Variants in CDC42 observed in about 807,000 individuals in gnomAD.
CDC42 encodes the protein cell division cycle 42.
CDC42 carries 1 observed loss-of-function variant against 20.8 expected under a neutral mutation model. The observed-to-expected ratio is 0.05, with a 90% CI of 0.02 to 0.23. The LOEUF is 0.23. CDC42 is among the 10% of genes least tolerant of loss of function. The pLI is 1.00. For missense variants in CDC42, 49 were observed against 227.9 expected, an observed-to-expected ratio of 0.21 and a Z score of 5.05; for synonymous variants, 72 against 84.8, an observed-to-expected ratio of 0.85 and a Z score of 0.83.
intron 1 of CDC42, among the ~76,000 whole-genome samples, chr1:22,074,510 C>T (rs1049401330): frequency 3.9e-5 from 6 of 152,080 alleles, no homozygotes; most frequent in Admixed American, 3.9e-4. Context: ...TATTGTAAAA[C>T]CCAAAGTCTC....
chr1:22,078,310 T>G (rs948017366), intron 1 of CDC42, 119 bp from the exon 2 acceptor site: 1 of 517,358 alleles, frequency 1.9e-6, no homozygotes, highest in Non-Finnish European at 3.4e-6. Flanking sequence ...TTGGGTTCTT[T>G]TAGCCATAAT....
intron 1 of CDC42, among the ~76,000 whole-genome samples, chr1:22,071,278 T>G (rs1364955855): frequency 6.6e-6 from 1 of 152,030 alleles, no homozygotes; most frequent in African/African-American, 2.4e-5. Context: ...TCTCCTGACC[T>G]CGTGATCCAT....
rs944125846 is a variant in CDC42, at chr1:22,095,685, G to A, written c.*4168G>A. Among the ~76,000 whole-genome samples, 25 of 152,254 alleles carry A rather than the reference G, an allele frequency of 1.6e-4. No individual in the cohort carries two copies. In the South Asian group the frequency reaches 4.4e-3, roughly 27 times the overall value. On this transcript the variant is annotated 3_prime_UTR_variant, in exon 6 of 6. Coordinates refer to ENST00000656825, the MANE Select transcript of CDC42 (RefSeq NM_001791.4). ...ATGTTGCATTTGAACCATGCCAACG[G>A]TAGCTTATTAAAACAGCATTTATTT... is the stretch of plus-strand genomic sequence containing the variant.
At chr1:22,090,129 C>T in intron 5 of CDC42, 1 of 1,466,392 alleles carries the variant, frequency 6.8e-7, no homozygotes, top group Non-Finnish European at 9.1e-7. Flanking sequence ...TGTTTGAAAG[C>T]CTCTGCGTCT....
At chr1:22,082,434 T>A (rs1557904208) in intron 3 of CDC42, among the ~76,000 whole-genome samples, 1 of 152,248 alleles carries the variant, frequency 6.6e-6, no homozygotes, top group East Asian at 1.9e-4. Context: ...CAAATTACTT[T>A]CTTCCTTAAA....
At chr1:22,062,523 CTG>C (rs1645377547) in intron 1 of CDC42, among the ~76,000 whole-genome samples, 1 of 152,026 alleles carries the variant, frequency 6.6e-6, no homozygotes, top group African/African-American at 2.4e-5. Flanking sequence ...CCAAATTACT[CTG>C]TGCTGATTCT....
At chr1:22,074,715 T>TTAA (rs1345924218) in intron 1 of CDC42, among the ~76,000 whole-genome samples, 2 of 152,184 alleles carry the variant, frequency 1.3e-5, no homozygotes, top group Admixed American at 1.3e-4. Flanking sequence ...ACTGTGCTCT[T>TTAA]TAATACATGT....
intron 1 of CDC42, among the ~76,000 whole-genome samples, chr1:22,075,549 TC>T (rs1645539350): frequency 6.6e-6 from 1 of 152,208 alleles, no homozygotes; most frequent in Non-Finnish European, 1.5e-5. Context: ...TGTTATGAGT[TC>T]CTTTCTAAGA....
rs948754244 is a variant in CDC42 at position 22,100,316 on chromosome 1, TACAACTCTGTAA to T, written c.*8801_*8812del. 1.3e-5 allele frequency among the ~76,000 whole-genome samples: 2 copies of T among 152,206 alleles called. No individual in the cohort carries two copies. The highest frequency in any genetic ancestry group is 4.8e-5 in the African/African-American group (2 of 41,444). On this transcript the variant is annotated 3_prime_UTR_variant, in exon 6 of 6. Transcript: ENST00000656825. ...TATTAGTGATTTCACTTGACCTCAG[TACAACTCTGTAA>T]AAGAGGCAGGGATGGATGATGTCAT...
chr1:22,067,319 T>G (rs1259520309), intron 1 of CDC42, among the ~76,000 whole-genome samples: 1 of 151,932 alleles, frequency 6.6e-6, no homozygotes, highest in Non-Finnish European at 1.5e-5. Context: ...AGATGCTGGT[T>G]TTTTCTTTTC....
Position 22,099,600 on chromosome 1 carries a change from TAA to T in CDC42, c.*8086_*8087del, listed in dbSNP as rs1645777075. Among the ~76,000 whole-genome samples the T allele has an allele frequency of 1.3e-5, 2 of 152,212 alleles. No individual in the cohort carries two copies. Among genetic ancestry groups the T allele is most frequent in the African/African-American group, 4.8e-5 (2 of 41,458 alleles). ...AGTGCACAGGGCAAGCAAAGCAGCA[TAA>T]AAGGCTTCATCTGTAAGGGTAGGTT... On this transcript the variant is annotated 3_prime_UTR_variant, in exon 6 of 6. Coordinates refer to ENST00000656825, the MANE Select transcript of CDC42 (RefSeq NM_001791.4).
Position 22,086,746 on chromosome 1 carries a change from C to A in CDC42, c.366C>A (p.Asp122Glu), listed in dbSNP as rs766033563. The change falls in exon 5 of 6, where the codon GAC becomes GAA. Residue 122 changes from aspartate to glutamate, a missense_variant. Physicochemically the swap from Asp to Glu is conservative, Grantham distance 45. Transcript: ENST00000656825. ...LVGTQIDLRD[D>E]PSTIEKLAKN... ...GGACTCAAATTGATCTCAGAGATGA[C>A]CCCTCTACTATTGAGAAACTTGCCA... 6.2e-7 allele frequency: 1 copy of A among 1,613,934 alleles called. No homozygotes were observed. The highest frequency in any genetic ancestry group is 2.2e-5 in the East Asian group (1 of 44,884).
chr1:22,083,340 C>T (rs1406441022), intron 3 of CDC42, among the ~76,000 whole-genome samples: 6 of 151,866 alleles, frequency 4.0e-5, no homozygotes, highest in African/African-American at 7.3e-5. Context: ...CGGTGGCTCA[C>T]GCCTGTAATT....
intron 2 of CDC42, chr1:22,078,790 C>G: frequency 6.9e-7 from 1 of 1,453,750 alleles, no homozygotes. Context: ...ACAGGGTTTG[C>G]AAGAAGTGCT....
In CDC42 at chr1:22,096,014, C is replaced by T. The variant is rs906699040; in HGVS notation, c.*4497C>T. The stretch of plus-strand genomic sequence containing the variant: ...TTGCACTGTTGCCCGGGCTGGAGTG[C>T]AGTGGTGGCATCTCCGCTCACTGCA... On this transcript the variant is annotated 3_prime_UTR_variant, in exon 6 of 6. Coordinates refer to ENST00000656825, the MANE Select transcript of CDC42 (RefSeq NM_001791.4). Among the ~76,000 whole-genome samples, 9 of 152,014 alleles carry T rather than the reference C, an allele frequency of 5.9e-5. No individual in the cohort carries two copies. Among genetic ancestry groups the T allele is most frequent in the African/African-American group, 2.2e-4 (9 of 41,358 alleles).
chr1:22,096,709 G>GCCACTGC lies in CDC42; in HGVS notation c.*5196_*5202dup, dbSNP rs1158812280. ...GTTGGAACCCCTGATGGGTATCTGG[G>GCCACTGC]CCACTGCCCAGGCCACACAGAGCCT... On this transcript the variant is annotated 3_prime_UTR_variant, in exon 6 of 6. Coordinates refer to ENST00000656825, the MANE Select transcript of CDC42 (RefSeq NM_001791.4). Among the ~76,000 whole-genome samples, 1 of 152,232 alleles carries GCCACTGC rather than the reference G, an allele frequency of 6.6e-6. No homozygotes were observed. Among genetic ancestry groups the GCCACTGC allele is most frequent in the African/African-American group, 2.4e-5 (1 of 41,466 alleles).
At chr1:22,077,401 T>C (rs538374423) in intron 1 of CDC42, among the ~76,000 whole-genome samples, 2 of 152,260 alleles carry the variant, frequency 1.3e-5, no homozygotes, top group East Asian at 3.9e-4. Context: ...TTAATTGTTG[T>C]GAATGGTGCT....
chr1:22,060,549 A>G (rs900793377), intron 1 of CDC42, among the ~76,000 whole-genome samples: 3 of 152,132 alleles, frequency 2.0e-5, no homozygotes, highest in Non-Finnish European at 4.4e-5. Flanking sequence ...GCTATGGTTC[A>G]TTTGCTTTGC....
chr1:22,075,322 TCTACATTTGA>T (rs758790370), intron 1 of CDC42, among the ~76,000 whole-genome samples: 17 of 152,232 alleles, frequency 1.1e-4, no homozygotes, highest in Non-Finnish European at 2.2e-4. Flanking sequence ...TAATGGTAAC[TCTACATTTGA>T]CTACATTTGT....
Sources: gnomAD v4.1 joint callset for allele counts (sites outside exome capture counted in the v4.1 genomes callset) on GRCh38, gnomAD v4.1.1 for gene constraint, MANE v1.5 for transcripts, NCBI Gene and HGNC (gene_info 2026-07-23, HGNC 2026-07-21) for gene names.